The following FMR1NB variants were observed in gnomAD, a reference collection of about 807,000 sequenced individuals.
FMR1NB encodes FMR1 neighbor, also known as FMR1 neighbor protein.
Under a neutral mutation model 16.8 loss-of-function variants are expected in FMR1NB, and 10 were observed. The observed-to-expected ratio is 0.60, with a 90% CI of 0.37 to 1.01. The LOEUF is 1.01. FMR1NB is among the 50% of genes least tolerant of loss of function. The pLI is 0.01. For missense variants in FMR1NB, 205 were observed against 204.8 expected, an observed-to-expected ratio of 1.00 and a Z score of 0.00; for synonymous variants, 83 against 79.1, an observed-to-expected ratio of 1.05 and a Z score of -0.26.
chrX:148,024,724 G>C, intron 4 of FMR1NB, 141 bp from the exon 5 acceptor site: 3 of 715,523 alleles, frequency 4.2e-6, no homozygotes, highest in Non-Finnish European at 6.2e-6. Context: ...ATTTCTATCG[G>C]ATTTATTAAA....
chrX:148,010,740 T>C (rs782633170), intron 4 of FMR1NB, among the ~76,000 whole-genome samples: 12 of 111,271 alleles, frequency 1.1e-4, no homozygotes, highest in Admixed American at 9.5e-4. Context: ...TCTGCAGTAA[T>C]GTGATTTGGG....
Position 147,981,510 on chromosome X carries a change from G to A in FMR1NB, c.108G>A (p.Ser36=), listed in dbSNP as rs151160499. 8.5e-5 allele frequency: 103 copies of A among 1,209,920 alleles called. No individual in the cohort carries two copies. Among genetic ancestry groups the A allele is most frequent in the Non-Finnish European group, 1.1e-4 (96 of 895,148 alleles). The change falls in exon 1 of 6, where the codon TCG becomes TCA. Residue 36 remains serine (S), a synonymous_variant. Transcript: ENST00000370467. ...LATYELAATE[S]NPESSHPGYE... Reference sequence around the variant, plus strand: ...CTTATGAGTTGGCGGCAACTGAGTCGAATCCCGAGAGCAGCCATCCTGGAT... The same window carrying A: ...CTTATGAGTTGGCGGCAACTGAGTCAAATCCCGAGAGCAGCCATCCTGGAT...
Position 148,025,024 on chromosome X carries a change from A to G in FMR1NB, c.*13+11A>G. ...AGCAAGAGACCAAAGGTAATTGACA[A>G]TAGGATATAAAGTTGAAGTGCTCAA... On this transcript the variant is annotated intron_variant, in intron 5 of 5. Transcript: ENST00000370467. 1.7e-6 allele frequency: 2 copies of G among 1,203,990 alleles called. No homozygotes were observed. The highest frequency in any genetic ancestry group is 3.6e-5 in the South Asian group (2 of 55,881).
In FMR1NB at chrX:148,024,099, C is replaced by T. The variant is rs2044692268; in HGVS notation, c.633-766C>T. Among the ~76,000 whole-genome samples the T allele has an allele frequency of 1.8e-5, 2 of 112,009 alleles. 1 individual carries two copies. Among genetic ancestry groups the T allele is most frequent in the South Asian group, 7.4e-4 (2 of 2,686 alleles). On this transcript the variant is annotated intron_variant, in intron 4 of 5. Transcript: ENST00000370467. ...CATAGGAAGTTTATCATACCTGCTG[C>T]TAGCCATTATTCACGAACACTGCAA...
chrX:148,023,342 T>C (rs1306047018), intron 4 of FMR1NB, among the ~76,000 whole-genome samples: 1 of 111,909 alleles, frequency 8.9e-6, no homozygotes, highest in Non-Finnish European at 1.9e-5. Flanking sequence ...CCCAGAGACA[T>C]TTTTTTGATT....
chrX:147,989,645 C>T (rs1367503556), intron 1 of FMR1NB, among the ~76,000 whole-genome samples: 1 of 111,949 alleles, frequency 8.9e-6, no homozygotes, highest in African/African-American at 3.3e-5. Context: ...GGTGCTCTGT[C>T]CCAGTGAGAC....
intron 4 of FMR1NB, among the ~76,000 whole-genome samples, chrX:148,016,729 A>G (rs1376407035): frequency 9.0e-6 from 1 of 111,703 alleles, no homozygotes; most frequent in Non-Finnish European, 1.9e-5. Flanking sequence ...AGTCAACAAA[A>G]AGGCAACTAA....
intron 1 of FMR1NB, among the ~76,000 whole-genome samples, chrX:147,987,843 G>A (rs997015357): frequency 9.5e-6 from 1 of 105,108 alleles, no homozygotes; most frequent in Admixed American, 1.0e-4. Flanking sequence ...ACTAGGATTG[G>A]TTTTTTTTTT....
At position 147,981,688 on chromosome X, in the gene FMR1NB, T is replaced by C; in HGVS notation, c.277+9T>C. 1 of 897,635 alleles carries C rather than the reference T, an allele frequency of 1.1e-6. No homozygotes were observed. 74.0% of individuals were successfully genotyped at this position (897,635 alleles called of 1,213,427 possible). A position where few individuals can be genotyped will look rare whatever the true frequency, so the allele number is the denominator to read the frequency against. On this transcript the variant is annotated intron_variant, in intron 1 of 5. Coordinates refer to ENST00000370467, the MANE Select transcript of FMR1NB (RefSeq NM_152578.3). ...CTACTACCTGTGCTCCGGTGAGTGC[T>C]GGCTCAGGCCAGGCAGGGAAATGCT...
At chrX:148,005,320 T>C (rs1330837756) in intron 2 of FMR1NB, among the ~76,000 whole-genome samples, 1 of 111,607 alleles carries the variant, frequency 9.0e-6, no homozygotes, top group Middle Eastern at 4.2e-3. Context: ...CTTTAGCATT[T>C]CTGGGAAGTG....
intron 1 of FMR1NB, among the ~76,000 whole-genome samples, chrX:147,984,290 G>A (rs1203806453): frequency 2.7e-5 from 3 of 112,124 alleles, no homozygotes; most frequent in African/African-American, 9.7e-5. Context: ...CATTGAATCT[G>A]TAGATCACTT....
chrX:148,000,118 ATAT>A (rs1428071739), intron 1 of FMR1NB, among the ~76,000 whole-genome samples: 10 of 111,896 alleles, frequency 8.9e-5, no homozygotes, highest in Non-Finnish European at 1.7e-4. Flanking sequence ...GAGAAAGAAG[ATAT>A]TATCATTGAT....
At chrX:148,004,220 G>A (rs1013777174) in intron 2 of FMR1NB, among the ~76,000 whole-genome samples, 5 of 112,074 alleles carry the variant, frequency 4.5e-5, no homozygotes, top group Non-Finnish European at 7.5e-5. Flanking sequence ...GTGTTATGTC[G>A]TATAGGCTGA....
chrX:148,013,938 T>TA (rs1387749819), intron 4 of FMR1NB, among the ~76,000 whole-genome samples: 1 of 111,695 alleles, frequency 9.0e-6, no homozygotes, highest in East Asian at 2.8e-4. Context: ...TCTTTTCACT[T>TA]ACTCTCCTTG....
At chrX:147,986,577 A>C (rs2044478003) in intron 1 of FMR1NB, among the ~76,000 whole-genome samples, 1 of 112,063 alleles carries the variant, frequency 8.9e-6, no homozygotes, top group Admixed American at 9.5e-5. Flanking sequence ...TAAATAGGGA[A>C]TCCTTTCCCC....
At chrX:147,990,652 T>G (rs1460038526) in intron 1 of FMR1NB, among the ~76,000 whole-genome samples, 2 of 111,897 alleles carry the variant, frequency 1.8e-5, no homozygotes, top group Non-Finnish European at 3.8e-5. Flanking sequence ...AACAAATTAT[T>G]ATTAACTATA....
At chrX:147,987,006 G>A in intron 1 of FMR1NB, among the ~76,000 whole-genome samples, 2 of 111,148 alleles carry the variant, frequency 1.8e-5, no homozygotes, top group Middle Eastern at 4.6e-3. Context: ...TTGAGCAATG[G>A]TTTGTCGTTC....
intron 1 of FMR1NB, among the ~76,000 whole-genome samples, chrX:148,000,415 G>A (rs184731942): frequency 8.9e-6 from 1 of 111,777 alleles, no homozygotes; most frequent in East Asian, 2.8e-4. Flanking sequence ...GAATGAAACA[G>A]GTATAACTCT....
At chrX:147,990,395 G>A (rs781854904) in intron 1 of FMR1NB, among the ~76,000 whole-genome samples, 2 of 111,946 alleles carry the variant, frequency 1.8e-5, no homozygotes, top group South Asian at 7.5e-4. Flanking sequence ...TTCTGCATTG[G>A]TCTTGCTGGG....
Sources: allele counts gnomAD v4.1 joint callset (sites outside exome capture counted in the v4.1 genomes callset), GRCh38; gene constraint gnomAD v4.1.1; transcripts MANE v1.5; gene names NCBI Gene and HGNC (gene_info 2026-07-23, HGNC 2026-07-21).